The following LPP variants were observed in gnomAD, a reference collection of about 807,000 sequenced individuals.
The protein encoded by LPP is LIM domain containing preferred translocation partner in lipoma, also known as lipoma-preferred partner.
A neutral mutation model predicts 60.4 loss-of-function variants in LPP; 38 were observed. The ratio of observed to expected loss-of-function variants is 0.63; its 90% CI spans 0.49 to 0.83. The LOEUF is 0.83. Ranked by LOEUF, LPP falls within the 40% of genes least tolerant of loss-of-function variation. The probability of loss-of-function intolerance (pLI) is 0.00; values close to 1 mark genes in which losing one functional copy is unlikely to be tolerated. For synonymous variants in LPP, 328 were observed against 290.8 expected, an observed-to-expected ratio of 1.13 and a Z score of -1.30; for missense variants, 902 against 783.6, an observed-to-expected ratio of 1.15 and a Z score of -1.80.
intron 5 of LPP, among the ~76,000 whole-genome samples, chr3:188,488,098 T>C (rs1211212060): frequency 2.6e-5 from 4 of 151,954 alleles, no homozygotes; most frequent in East Asian, 3.9e-4. Context: ...AGAGGTCTTA[T>C]TGAATTTGAA....
chr3:188,672,977 T>C (rs1857250101), intron 7 of LPP, among the ~76,000 whole-genome samples: 1 of 151,930 alleles, frequency 6.6e-6, no homozygotes, highest in Non-Finnish European at 1.5e-5. Flanking sequence ...TTTTTTCTGT[T>C]TCCATTCAGC....
chr3:188,868,758 T>A (rs1767322215), intron 10 of LPP, among the ~76,000 whole-genome samples: 1 of 152,226 alleles, frequency 6.6e-6, no homozygotes, highest in African/African-American at 2.4e-5. Context: ...TGTGGTCCTT[T>A]TGAATGGGTC....
chr3:188,323,807 A>G (rs540002454), intron 2 of LPP, among the ~76,000 whole-genome samples: 168 of 152,354 alleles, frequency 1.1e-3, no homozygotes, highest in Admixed American at 1.4e-3. Flanking sequence ...TTATTCTCCT[A>G]TGGATTCAGC....
chr3:188,419,571 C>A (rs985672903), intron 4 of LPP, among the ~76,000 whole-genome samples: 2 of 152,178 alleles, frequency 1.3e-5, no homozygotes, highest in Non-Finnish European at 2.9e-5. Context: ...GGATAAGTGG[C>A]AACCTAAGTT....
chr3:188,334,422 CTTT>C (rs71167095), intron 2 of LPP, among the ~76,000 whole-genome samples: 1 of 98,662 alleles, frequency 1.0e-5, no homozygotes, highest in South Asian at 3.6e-4. Context: ...ATATTTCTTT[CTTT>C]TTTTTTTTTT....
At chr3:188,659,814 A>G (rs1276262667) in intron 7 of LPP, among the ~76,000 whole-genome samples, 1 of 124,752 alleles carries the variant, frequency 8.0e-6, no homozygotes, top group Non-Finnish European at 1.8e-5. Context: ...TCCTATGCAC[A>G]CACACACACA....
In LPP at chr3:188,712,055, T is replaced by C. The variant is rs138320475; in HGVS notation, c.1240+3662T>C. 3 of 152,214 alleles carry C rather than the reference T, an allele frequency of 2.0e-5. No homozygotes were observed. In the East Asian group the frequency reaches 5.8e-4, roughly 29 times the overall value. The allele number at this position is 152,214 out of a possible 1,614,324, so 9.4% of individuals were successfully genotyped here. A position where few individuals can be genotyped will look rare whatever the true frequency, so the allele number is the denominator to read the frequency against. ...TGGGAAATAAGGTTCAAGTAGTAGG[T>C]TAGGACCAATCTAGGGAAGGCTGTC... On this transcript the variant is annotated intron_variant, in intron 8 of 11. Coordinates refer to ENST00000617246, the MANE Select transcript of LPP (RefSeq NM_001375462.1).
intron 2 of LPP, chr3:188,247,205 G>C: frequency 1.0e-6 from 1 of 982,870 alleles, no homozygotes; most frequent in Non-Finnish European, 1.2e-6. Flanking sequence ...GAGATCAAGG[G>C]TTCTGTGAGT....
intron 7 of LPP, among the ~76,000 whole-genome samples, chr3:188,671,071 C>G (rs531387387): frequency 1.3e-5 from 2 of 152,210 alleles, no homozygotes; most frequent in Non-Finnish European, 2.9e-5. Flanking sequence ...GTTCTCTCTA[C>G]GTTCTAAAAT....
Position 188,884,527 on chromosome 3 carries a change from G to A in LPP, c.*10048G>A. The stretch of plus-strand genomic sequence containing the variant: ...CACTGTGAGGAAGTTGGTGGGAAAA[G>A]GCCACTGATAAGAACAAACAATGGG... On this transcript the variant is annotated 3_prime_UTR_variant, in exon 12 of 12. Transcript: ENST00000617246. 1 of 229,862 alleles carries A rather than the reference G, an allele frequency of 4.4e-6. No individual in the cohort carries two copies. The allele number at this position is 229,862 out of a possible 1,614,324, so 14.2% of individuals were successfully genotyped here.
At chr3:188,348,814 T>G (rs1765083477) in intron 3 of LPP, among the ~76,000 whole-genome samples, 1 of 152,054 alleles carries the variant, frequency 6.6e-6, no homozygotes, top group Admixed American at 6.6e-5. Flanking sequence ...ATTGCTGTGG[T>G]GTGCTGACAA....
At chr3:188,453,800 C>A (rs993744230) in intron 4 of LPP, among the ~76,000 whole-genome samples, 18 of 152,032 alleles carry the variant, frequency 1.2e-4, no homozygotes, top group South Asian at 2.1e-4. Flanking sequence ...GTGGGTACTT[C>A]TGTTAGGCTT....
At chr3:188,537,084 A>G (rs1298696293) in intron 6 of LPP, among the ~76,000 whole-genome samples, 2 of 152,234 alleles carry the variant, frequency 1.3e-5, no homozygotes, top group Non-Finnish European at 2.9e-5. Flanking sequence ...TCTATGTAAT[A>G]TTAATTTTAG....
intron 1 of LPP, among the ~76,000 whole-genome samples, chr3:188,170,644 C>T (rs1721333298): frequency 7.3e-6 from 1 of 137,770 alleles, no homozygotes; most frequent in African/African-American, 2.5e-5. Flanking sequence ...GGAGTCTCAG[C>T]TTCTTCATCA....
At chr3:188,716,172 A>C (rs1299313222) in intron 8 of LPP, among the ~76,000 whole-genome samples, 1 of 152,174 alleles carries the variant, frequency 6.6e-6, no homozygotes, top group African/African-American at 2.4e-5. Flanking sequence ...TTTTGCAGAA[A>C]ACCAGGAGTT....
intron 7 of LPP, among the ~76,000 whole-genome samples, chr3:188,622,062 A>G (rs143276432): frequency 2.0e-5 from 3 of 152,306 alleles, no homozygotes; most frequent in African/African-American, 7.2e-5. Flanking sequence ...TTCTATGATG[A>G]AATCAGTTGG....
chr3:188,541,487 A>C (rs1189334723), intron 6 of LPP, among the ~76,000 whole-genome samples: 3 of 152,094 alleles, frequency 2.0e-5, no homozygotes, highest in Non-Finnish European at 2.9e-5. Flanking sequence ...GAGGAGGAAA[A>C]ACCATAACCT....
intron 9 of LPP, among the ~76,000 whole-genome samples, chr3:188,824,221 G>T (rs1423301804): frequency 6.6e-6 from 1 of 152,162 alleles, no homozygotes; most frequent in African/African-American, 2.4e-5. Context: ...AGATTTAAAA[G>T]AAATGACTCC....
chr3:188,182,097 G>A lies in LPP; in HGVS notation c.-190+27845G>A, dbSNP rs1010680659. ...GTCTCTTTCTTAAGTCTAACTCCTCGTGAGTCTTTCCAGCCTCAGCACATT... is the reference window on the plus strand; with the variant it reads ...GTCTCTTTCTTAAGTCTAACTCCTCATGAGTCTTTCCAGCCTCAGCACATT... On this transcript the variant is annotated intron_variant, in intron 1 of 11. Coordinates refer to ENST00000617246, the MANE Select transcript of LPP (RefSeq NM_001375462.1). The surrounding 1 kb of genome is among the most constrained non-coding windows in gnomAD (Gnocchi z 4.4). Among the ~76,000 whole-genome samples, 2 of 152,126 alleles carry A rather than the reference G, an allele frequency of 1.3e-5. No individual in the cohort carries two copies. The highest frequency in any genetic ancestry group is 2.4e-5 in the African/African-American group (1 of 41,408).
Sources: gnomAD v4.1 joint callset for allele counts (sites outside exome capture counted in the v4.1 genomes callset) on GRCh38, gnomAD v4.1.1 for gene constraint, Gnocchi (gnomAD v3.1) non-coding constraint, MANE v1.5 for transcripts, NCBI Gene and HGNC (gene_info 2026-07-23, HGNC 2026-07-21) for gene names.